Variants in NFAT5 observed in about 807,000 individuals in gnomAD.
NFAT5 encodes the protein nuclear factor of activated T-cells 5.
In NFAT5, 31 loss-of-function variants were observed where a neutral mutation model predicts 166.5. The ratio of observed to expected loss-of-function variants is 0.19; its 90% confidence interval spans 0.14 to 0.25. NFAT5 has a LOEUF of 0.25. Ranked by LOEUF, NFAT5 falls within the 10% of genes least tolerant of loss-of-function variation. The probability of loss-of-function intolerance (pLI) is 1.00; values close to 1 mark genes in which losing one functional copy is unlikely to be tolerated. For missense variants in NFAT5, 1,449 were observed against 1,821.8 expected (o/e 0.80, Z 3.72); for synonymous variants, 612 against 639.7 (o/e 0.96, Z 0.65).
chr16:69,701,937 T>C lies in NFAT5; in HGVS notation c.*5586T>C, dbSNP rs1265989490. The stretch of plus-strand genomic sequence containing the variant: ...CCCTCCAGACCTAAGATAATTCCTT[T>C]TGATCAGATACAGTCAGATGGAGTG... On this transcript the variant is annotated 3_prime_UTR_variant, in exon 15 of 15. Coordinates refer to ENST00000349945, the MANE Select transcript of NFAT5 (RefSeq NM_138713.4). 6.6e-6 allele frequency: 1 copy of C among 152,402 alleles called. No homozygotes were observed. The highest frequency in any genetic ancestry group is 2.4e-5 in the African/African-American group (1 of 41,444). The allele number at this position is 152,402 out of a possible 1,614,324, so 9.4% of individuals were successfully genotyped here. A position where few individuals can be genotyped will look rare whatever the true frequency, so the allele number is the denominator to read the frequency against.
chr16:69,630,186 C>T (rs927624129), intron 3 of NFAT5, among the ~76,000 whole-genome samples: 2 of 151,930 alleles, frequency 1.3e-5, no homozygotes, highest in Non-Finnish European at 1.5e-5. Flanking sequence ...ATGGACCTGG[C>T]TGATTTTTGT....
At chr16:69,690,834 T>C in intron 11 of NFAT5, 106 bp from the exon 12 acceptor site, 1 of 923,532 alleles carries the variant, frequency 1.1e-6, no homozygotes, top group Non-Finnish European at 1.6e-6. Flanking sequence ...CATTGTAGCA[T>C]CAAAAAAATA....
In NFAT5 at chr16:69,648,289, A is replaced by C. The variant is rs1365132795; in HGVS notation, c.812+703A>C. 4 of 984,804 alleles carry C rather than the reference A, an allele frequency of 4.1e-6. No individual in the cohort carries two copies. The African/African-American group carries it at 7.0e-5, about 17-fold the overall frequency. 61.0% of individuals were successfully genotyped at this position (984,804 alleles called of 1,614,324 possible). A position where few individuals can be genotyped will look rare whatever the true frequency, so the allele number is the denominator to read the frequency against. On this transcript the variant is annotated intron_variant, in intron 4 of 14. Coordinates refer to ENST00000349945, the MANE Select transcript of NFAT5 (RefSeq NM_138713.4). ...ATGTTCTCTTTCCAATTGTGTCCTC[A>C]TATGGTTTACATTTTTTAGAGGATT... is the stretch of plus-strand genomic sequence containing the variant.
intron 2 of NFAT5, among the ~76,000 whole-genome samples, chr16:69,617,221 C>T (rs776808915): frequency 2.0e-5 from 3 of 152,056 alleles, no homozygotes; most frequent in Non-Finnish European, 2.9e-5. Flanking sequence ...GGATTACAGG[C>T]GTGAGCCACC....
chr16:69,700,889 G>A lies in NFAT5; in HGVS notation c.*4538G>A, dbSNP rs1231451462. On this transcript the variant is annotated 3_prime_UTR_variant, in exon 15 of 15. Coordinates refer to ENST00000349945, the MANE Select transcript of NFAT5 (RefSeq NM_138713.4). ...AATGCTCATAATGCAGTAAATATCA[G>A]AATAATATCTACAATATCATTTGTG... 2.6e-5 allele frequency: 4 copies of A among 151,686 alleles called. No individual in the cohort carries two copies. Among genetic ancestry groups the A allele is most frequent in the Non-Finnish European group, 4.4e-5 (3 of 67,956 alleles). The allele number at this position is 151,686 out of a possible 1,614,324, so 9.4% of individuals were successfully genotyped here.
At chr16:69,581,364 A>C (rs1455246736) in intron 2 of NFAT5, among the ~76,000 whole-genome samples, 1 of 152,148 alleles carries the variant, frequency 6.6e-6, no homozygotes, top group Non-Finnish European at 1.5e-5. Context: ...TGTCATTTCC[A>C]CATTTTGACT....
chr16:69,626,113 A>T (rs1019468586), intron 2 of NFAT5, among the ~76,000 whole-genome samples: 4 of 137,874 alleles, frequency 2.9e-5, no homozygotes, highest in South Asian at 2.3e-4. Context: ...CTGGCTGATT[A>T]AAAAAAAAAA....
chr16:69,630,591 G>A (rs560875430), intron 3 of NFAT5, among the ~76,000 whole-genome samples: 1 of 152,286 alleles, frequency 6.6e-6, no homozygotes, highest in Non-Finnish European at 1.5e-5. Context: ...CATTTTGTAA[G>A]TTCTCAGTAA....
At chr16:69,655,531 G>A (rs2035842439) in intron 5 of NFAT5, 78 bp from the exon 6 acceptor site, 1 of 1,118,648 alleles carries the variant, frequency 8.9e-7, no homozygotes, top group Non-Finnish European at 1.2e-6. Flanking sequence ...TATAGGATTT[G>A]GTCTTAAATA....
chr16:69,567,765 A>C (rs897962987), intron 1 of NFAT5, among the ~76,000 whole-genome samples: 2 of 152,120 alleles, frequency 1.3e-5, no homozygotes, highest in African/African-American at 2.4e-5. Context: ...GGTACTTTAG[A>C]AATATTGTAG....
rs2032977904 is a variant in NFAT5, at chr16:69,599,052, G to A, written c.128-27351G>A. ...AAAAAAAAAAAAAAGTCAGGGTATG[G>A]GATTGACAAGTCCATAGAAACAGAA... is the stretch of plus-strand genomic sequence containing the variant. On this transcript the variant is annotated intron_variant, in intron 2 of 14. Coordinates refer to ENST00000349945, the MANE Select transcript of NFAT5 (RefSeq NM_138713.4). Among the ~76,000 whole-genome samples, 3 of 151,578 alleles carry A rather than the reference G, an allele frequency of 2.0e-5. 1 individual carries two copies. The highest frequency in any genetic ancestry group is 7.3e-5 in the African/African-American group (3 of 41,286).
intron 7 of NFAT5, among the ~76,000 whole-genome samples, chr16:69,661,082 C>CTT (rs765529666): frequency 0.091 from 11,503 of 126,976 alleles, 668 homozygotes; most frequent in South Asian, 0.18. Flanking sequence ...CCCCACCACC[C>CTT]TTTTTTTTTT....
intron 11 of NFAT5, chr16:69,685,187 TATA>T (rs202012677): frequency 0.12 from 13,614 of 112,034 alleles, 658 homozygotes; most frequent in East Asian, 0.23. Context: ...TATATATATA[TATA>T]TTTTTTTTTT....
intron 2 of NFAT5, among the ~76,000 whole-genome samples, chr16:69,590,059 A>T (rs910001967): frequency 6.6e-6 from 1 of 152,220 alleles, no homozygotes; most frequent in East Asian, 1.9e-4. Flanking sequence ...CTGTAGTCTT[A>T]GCTACTTAGG....
intron 13 of NFAT5, among the ~76,000 whole-genome samples, chr16:69,694,869 A>C (rs933322680): frequency 1.3e-5 from 2 of 152,230 alleles, no homozygotes; most frequent in Non-Finnish European, 1.5e-5. Context: ...GAATTTATAT[A>C]GGACTTTTGA....
chr16:69,588,761 A>C (rs1384606567), intron 2 of NFAT5, among the ~76,000 whole-genome samples: 1 of 152,190 alleles, frequency 6.6e-6, no homozygotes, highest in African/African-American at 2.4e-5. Context: ...TATGAGGGGT[A>C]GACTCCTTTG....
chr16:69,599,822 G>A (rs74026881), intron 2 of NFAT5, among the ~76,000 whole-genome samples: 2,833 of 152,240 alleles, frequency 0.019, 89 homozygotes, highest in African/African-American at 0.065. Context: ...AATAAAGGCA[G>A]TATACCTGGA....
At chr16:69,637,167 C>T (rs950986589) in intron 3 of NFAT5, among the ~76,000 whole-genome samples, 6 of 152,190 alleles carry the variant, frequency 3.9e-5, no homozygotes, top group African/African-American at 1.4e-4. Context: ...ACAAGAGTCA[C>T]CTTTACTCCA....
At chr16:69,604,726 C>T (rs1349305226) in intron 2 of NFAT5, among the ~76,000 whole-genome samples, 1 of 152,188 alleles carries the variant, frequency 6.6e-6, no homozygotes, top group Non-Finnish European at 1.5e-5. Context: ...CATCTTCAAT[C>T]TCCCCTGCCC....
Sources: gnomAD v4.1 joint callset for allele counts (sites outside exome capture counted in the v4.1 genomes callset) on GRCh38, gnomAD v4.1.1 for gene constraint, MANE v1.5 for transcripts, NCBI Gene and HGNC (gene_info 2026-07-23, HGNC 2026-07-21) for gene names.